CMSS1: variants seen among roughly 807,000 people sequenced by gnomAD.
CMSS1 encodes the protein protein CMSS1.
A neutral mutation model predicts 43.5 loss-of-function variants in CMSS1; 33 were observed. The observed-to-expected ratio is 0.76, with a 90% CI of 0.57 to 1.01. The LOEUF (loss-of-function observed/expected upper bound fraction) is 1.01, where lower values mean the gene tolerates loss of function less well. Among genes scored for constraint, CMSS1 ranks in the 50% least tolerant of loss-of-function variants. The pLI, the probability that CMSS1 is intolerant of heterozygous loss-of-function variation, is 0.00. For synonymous variants in CMSS1, 115 were observed against 117.2 expected, an observed-to-expected ratio of 0.98 and a Z score of 0.12; for missense variants, 313 against 326.4, an observed-to-expected ratio of 0.96 and a Z score of 0.32.
intron 1 of CMSS1, among the ~76,000 whole-genome samples, chr3:99,949,991 A>G (rs1708128101): frequency 6.6e-6 from 1 of 152,140 alleles, no homozygotes; most frequent in South Asian, 2.1e-4. Context: ...CTTTACTTTC[A>G]TAATCAAAGG....
chr3:99,955,746 A>G (rs1708303377), intron 1 of CMSS1, among the ~76,000 whole-genome samples: 1 of 152,112 alleles, frequency 6.6e-6, no homozygotes, highest in Admixed American at 6.5e-5. Flanking sequence ...TACATAGAGT[A>G]TGGTCATGTA....
chr3:99,919,450 A>G (rs1490941074), intron 1 of CMSS1, among the ~76,000 whole-genome samples: 1 of 149,708 alleles, frequency 6.7e-6, no homozygotes, highest in East Asian at 1.9e-4. Flanking sequence ...GTAGACATAT[A>G]TATTTAATCA....
chr3:99,951,813 A>T (rs1168478173), intron 1 of CMSS1, among the ~76,000 whole-genome samples: 1 of 152,178 alleles, frequency 6.6e-6, no homozygotes, highest in East Asian at 1.9e-4. Flanking sequence ...ACAACTACTC[A>T]AACTCTATCT....
chr3:99,934,925 A>G (rs549940115), intron 1 of CMSS1, among the ~76,000 whole-genome samples: 1 of 152,308 alleles, frequency 6.6e-6, no homozygotes, highest in East Asian at 1.9e-4. Context: ...CAACATTCTC[A>G]CTGATTAATG....
At chr3:100,169,880 G>T (rs1312626748) in intron 6 of CMSS1, among the ~76,000 whole-genome samples, 1 of 152,188 alleles carries the variant, frequency 6.6e-6, no homozygotes, top group East Asian at 1.9e-4. Flanking sequence ...CTATCAAATT[G>T]ATTTGAACTT....
intron 1 of CMSS1, among the ~76,000 whole-genome samples, chr3:99,856,326 C>T (rs749895831): frequency 5.3e-5 from 8 of 152,200 alleles, no homozygotes; most frequent in Non-Finnish European, 7.3e-5. Context: ...TGGACGTAGA[C>T]GTTGATCCCT....
intron 1 of CMSS1, among the ~76,000 whole-genome samples, chr3:99,992,817 A>C (rs754510086): frequency 6.6e-6 from 1 of 152,040 alleles, no homozygotes; most frequent in Non-Finnish European, 1.5e-5. Flanking sequence ...TTAGATCTTT[A>C]ATCCATCTTG....
At chr3:100,019,204 A>G (rs1388352840) in intron 1 of CMSS1, among the ~76,000 whole-genome samples, 1 of 152,172 alleles carries the variant, frequency 6.6e-6, no homozygotes, top group Non-Finnish European at 1.5e-5. Flanking sequence ...ATCAGTGTCA[A>G]AGCAAAAAGT....
chr3:100,038,272 T>C (rs551806215), intron 1 of CMSS1, among the ~76,000 whole-genome samples: 2 of 152,252 alleles, frequency 1.3e-5, no homozygotes, highest in East Asian at 3.9e-4. Context: ...TTCTTCTCAT[T>C]AAAATATAAC....
At chr3:100,134,064 A>T (rs965876048) in intron 1 of CMSS1, among the ~76,000 whole-genome samples, 2 of 152,196 alleles carry the variant, frequency 1.3e-5, no homozygotes, top group Admixed American at 6.6e-5. Flanking sequence ...CCTTGGGGTT[A>T]CACTCTATAA....
chr3:100,039,535 C>T (rs936357363), intron 1 of CMSS1, among the ~76,000 whole-genome samples: 6 of 151,906 alleles, frequency 3.9e-5, no homozygotes, highest in South Asian at 2.1e-4. Flanking sequence ...TTATAATATG[C>T]GGGATACCAG....
intron 1 of CMSS1, among the ~76,000 whole-genome samples, chr3:99,821,047 CAT>C (rs1559645194): frequency 6.6e-6 from 1 of 151,386 alleles, no homozygotes; most frequent in Non-Finnish European, 1.5e-5. Flanking sequence ...TGGTTTATAA[CAT>C]CTATCTAATG....
intron 1 of CMSS1, among the ~76,000 whole-genome samples, chr3:99,910,048 T>C (rs1204442235): frequency 2.7e-5 from 3 of 109,478 alleles, no homozygotes; most frequent in Non-Finnish European, 6.6e-5. Context: ...AGGGCTTCAG[T>C]GTGGGGTCAG....
chr3:100,091,975 T>C (rs1414035805), intron 1 of CMSS1, among the ~76,000 whole-genome samples: 1 of 152,236 alleles, frequency 6.6e-6, no homozygotes, highest in Non-Finnish European at 1.5e-5. Flanking sequence ...TTACCAGCTA[T>C]CTGTCCTAGG....
chr3:100,082,218 G>A (rs2065943678), intron 1 of CMSS1, among the ~76,000 whole-genome samples: 1 of 152,172 alleles, frequency 6.6e-6, no homozygotes, highest in Admixed American at 6.5e-5. Context: ...ATATCATGAA[G>A]TGTGCTGCAT....
chr3:99,927,889 C>T (rs946891759), intron 1 of CMSS1, among the ~76,000 whole-genome samples: 20 of 152,234 alleles, frequency 1.3e-4, no homozygotes, highest in Non-Finnish European at 1.6e-4. Flanking sequence ...ACCAGTTTTT[C>T]ATCTTAAGTC....
chr3:100,048,894 C>T lies in CMSS1; in HGVS notation c.65-98079C>T, dbSNP rs117033060. On this transcript the variant is annotated intron_variant, in intron 1 of 9. Transcript: ENST00000421999. The stretch of plus-strand genomic sequence containing the variant: ...TTGATATGATGGCCTAGACTGATTG[C>T]TTAAATATGGACTTGGACAGTTATG... Among the ~76,000 whole-genome samples the T allele has an allele frequency of 5.5e-3, 836 of 152,264 alleles. 3 individuals are homozygous for T. Among genetic ancestry groups the T allele is most frequent in the East Asian group, 0.022 (114 of 5,180 alleles).
At chr3:100,032,907 G>T (rs2065044052) in intron 1 of CMSS1, among the ~76,000 whole-genome samples, 3 of 152,064 alleles carry the variant, frequency 2.0e-5, no homozygotes. Flanking sequence ...CCTGCAACAA[G>T]CCTGCAAGGT....
intron 1 of CMSS1, among the ~76,000 whole-genome samples, chr3:99,828,463 T>TC (rs1942578823): frequency 1.3e-5 from 2 of 151,520 alleles, no homozygotes; most frequent in African/African-American, 2.4e-5. Flanking sequence ...TTTTTTTTTT[T>TC]TCCCCACAAA....
Sources: gnomAD v4.1 joint callset for allele counts (sites outside exome capture counted in the v4.1 genomes callset) on GRCh38, gnomAD v4.1.1 for gene constraint, MANE v1.5 for transcripts, NCBI Gene and HGNC (gene_info 2026-07-23, HGNC 2026-07-21) for gene names.